FSD2: variants seen among roughly 807,000 people sequenced by gnomAD.
FSD2 encodes the protein fibronectin type III and SPRY domain containing 2.
In FSD2, 71 loss-of-function variants were observed where a neutral mutation model predicts 80.4. The observed-to-expected ratio is 0.88, with a 90% CI of 0.73 to 1.08. FSD2 has a LOEUF of 1.08. FSD2 is among the 50% of genes least tolerant of loss of function. The pLI is 0.00. For synonymous variants in FSD2, 361 were observed against 329.5 expected (o/e 1.10, Z -1.03); for missense variants, 923 against 913.8 (o/e 1.01, Z -0.13).
At chr15:82,772,050 G>T (rs2049590231) in intron 7 of FSD2, 23 bp downstream of exon 7, 2 of 1,531,586 alleles carry the variant, frequency 1.3e-6, no homozygotes, top group Admixed American at 2.2e-5. Flanking sequence ...ATGAGCACGG[G>T]CATGTTCCTG....
Position 82,780,264 on chromosome 15 carries a change from C to A in FSD2, c.970G>T (p.Ala324Ser). Residue 324 changes from alanine (A) to serine (S), a missense_variant, in exon 5 of 13, where the codon GCA (alanine) becomes TCA (serine). Ala to Ser is a moderately conservative substitution (Grantham distance 99). Transcript: ENST00000334574. ...TATTACCTGTCAGCCATAGCCACTG[C>A]ATCCTAAAAAGGAAAAAGAGAAAAT... ...HEEKVDFIKD[A>S]VAMADRLGKF... The A allele has an allele frequency of 1.3e-6, 2 of 1,499,480 alleles. No homozygotes were observed. Among genetic ancestry groups the A allele is most frequent in the Non-Finnish European group, 1.8e-6 (2 of 1,122,140 alleles). The allele number at this position is 1,499,480 out of a possible 1,614,324, so 92.9% of individuals were successfully genotyped here. A position where few individuals can be genotyped will look rare whatever the true frequency, so the allele number is the denominator to read the frequency against.
chr15:82,790,310 T>C (rs1376924798), intron 1 of FSD2, among the ~76,000 whole-genome samples: 2 of 152,214 alleles, frequency 1.3e-5, no homozygotes, highest in Admixed American at 1.3e-4. Context: ...CTAGGATACT[T>C]GCCTGAATCT....
intron 1 of FSD2, among the ~76,000 whole-genome samples, chr15:82,805,068 T>A (rs1184973774): frequency 6.6e-6 from 1 of 151,096 alleles, no homozygotes; most frequent in Non-Finnish European, 1.5e-5. Context: ...TTAAAAAAAA[T>A]AAAAAAGATG....
At position 82,798,873 on chromosome 15, in the gene FSD2, G is replaced by GTTTTTTTTTTTTTTTTTTTTT. The variant is rs149986626; in HGVS notation, c.-79+7092_-79+7093insAAAAAAAAAAAAAAAAAAAAA. Among the ~76,000 whole-genome samples the GTTTTTTTTTTTTTTTTTTTTT allele has an allele frequency of 1.8e-5, 2 of 111,472 alleles. 1 individual carries two copies. The allele number at this position is 111,472 out of a possible 152,430, so 73.1% of individuals were successfully genotyped here. Reference sequence around the variant, plus strand: ...AAGTTTTCTTTCCACTATCTCCACTGTTTTGTTTTTTTTTTTTTTTTTGAG... The same window carrying GTTTTTTTTTTTTTTTTTTTTT: ...AAGTTTTCTTTCCACTATCTCCACTGTTTTTTTTTTTTTTTTTTTTTTTTTGTTTTTTTTTTTTTTTTTGAG... On this transcript the variant is annotated intron_variant, in intron 1 of 12. Transcript: ENST00000334574.
rs1049733994 is a variant in FSD2 at position 82,757,236 on chromosome 15, G to A, written c.*2112C>T. The A allele has an allele frequency of 2.6e-5, 4 of 151,928 alleles. No homozygotes were observed. Among genetic ancestry groups the A allele is most frequent in the African/African-American group, 9.7e-5 (4 of 41,348 alleles). 9.4% of individuals were successfully genotyped at this position (151,928 alleles called of 1,614,324 possible). A position where few individuals can be genotyped will look rare whatever the true frequency, so the allele number is the denominator to read the frequency against. On this transcript the variant is annotated 3_prime_UTR_variant, in exon 13 of 13. Coordinates refer to ENST00000334574, the MANE Select transcript of FSD2 (RefSeq NM_001007122.4). ...TGTTGAGTTTTTAATCCATTTATCC[G>A]TGTTCATACTAACGTGTAGTATTCC...
In FSD2 at chr15:82,765,084, G is replaced by A. The variant is rs971492790; in HGVS notation, c.1820+82C>T. 1.4e-5 allele frequency: 20 copies of A among 1,442,336 alleles called. No individual in the cohort carries two copies. In the Middle Eastern group the frequency reaches 7.3e-4, roughly 52 times the overall value. 89.3% of individuals were successfully genotyped at this position (1,442,336 alleles called of 1,614,324 possible). On this transcript the variant is annotated intron_variant, in intron 11 of 12. Coordinates refer to ENST00000334574, the MANE Select transcript of FSD2 (RefSeq NM_001007122.4). Reference sequence around the variant, plus strand: ...TTCCTTTTCCCTCGAGGCTGCCTCCGTGCCATATTCGGATTTGACCTGAAT... The same window carrying A: ...TTCCTTTTCCCTCGAGGCTGCCTCCATGCCATATTCGGATTTGACCTGAAT...
At chr15:82,765,832 C>A in intron 10 of FSD2, 66 bp downstream of exon 10, 1 of 1,521,278 alleles carries the variant, frequency 6.6e-7, no homozygotes, top group Admixed American at 2.0e-5. Flanking sequence ...GAAGTCATAG[C>A]AGCACTGGGT....
At position 82,755,473 on chromosome 15, in the gene FSD2, G is replaced by A. The variant is rs916422556; in HGVS notation, c.*3875C>T. 3 of 152,108 alleles carry A rather than the reference G, an allele frequency of 2.0e-5. No individual in the cohort carries two copies. Among genetic ancestry groups the A allele is most frequent in the Middle Eastern group, 3.4e-3 (1 of 292 alleles). 9.4% of individuals were successfully genotyped at this position (152,108 alleles called of 1,614,324 possible). A position where few individuals can be genotyped will look rare whatever the true frequency, so the allele number is the denominator to read the frequency against. On this transcript the variant is annotated 3_prime_UTR_variant, in exon 13 of 13. Transcript: ENST00000334574. ...ATAAATGATAGTTTAATTCCTCCAG[G>A]ATTTGAGTAAGGTGAAAATAGAGCT...
intron 4 of FSD2, 151 bp downstream of exon 4, chr15:82,782,644 G>T: frequency 1.5e-6 from 1 of 677,254 alleles, no homozygotes; most frequent in Non-Finnish European, 2.6e-6. Context: ...TCATCCAGTG[G>T]AATCAAATGG....
chr15:82,779,916 C>G (rs1333549864), intron 5 of FSD2, among the ~76,000 whole-genome samples: 1 of 152,088 alleles, frequency 6.6e-6, no homozygotes, highest in Non-Finnish European at 1.5e-5. Context: ...ACTGGACAGT[C>G]TGGGTCCAGG....
chr15:82,800,360 G>T (rs1005653612), intron 1 of FSD2, among the ~76,000 whole-genome samples: 4 of 152,088 alleles, frequency 2.6e-5, no homozygotes, highest in African/African-American at 9.7e-5. Flanking sequence ...AGGCTAGCTA[G>T]GTTCCTATGT....
intron 1 of FSD2, among the ~76,000 whole-genome samples, chr15:82,794,348 G>T (rs888807707): frequency 6.6e-6 from 1 of 152,050 alleles, no homozygotes; most frequent in Non-Finnish European, 1.5e-5. Flanking sequence ...AACATATTTT[G>T]TATTATTTCT....
At chr15:82,766,336 A>C (rs74028575) in intron 9 of FSD2, among the ~76,000 whole-genome samples, 319 of 152,186 alleles carry the variant, frequency 2.1e-3, no homozygotes, top group African/African-American at 7.5e-3. Flanking sequence ...TGCATCATGG[A>C]GTGTGCATGC....
intron 1 of FSD2, among the ~76,000 whole-genome samples, chr15:82,802,890 G>T (rs1032563531): frequency 6.6e-6 from 1 of 152,152 alleles, no homozygotes; most frequent in African/African-American, 2.4e-5. Context: ...GTCCTTCTGT[G>T]ACCCTGGCTA....
At chr15:82,785,964 C>T (rs2049986163) in intron 3 of FSD2, among the ~76,000 whole-genome samples, 1 of 152,084 alleles carries the variant, frequency 6.6e-6, no homozygotes, top group Non-Finnish European at 1.5e-5. Context: ...GATGTCCCCT[C>T]TTCACCACCT....
chr15:82,780,728 ATAGT>A (rs1351903477), intron 4 of FSD2, among the ~76,000 whole-genome samples: 4 of 151,544 alleles, frequency 2.6e-5, no homozygotes, highest in Admixed American at 2.6e-4. Context: ...TATATATAAG[ATAGT>A]TATATAATAA....
chr15:82,778,725 G>T (rs1186350032), intron 6 of FSD2, 41 bp downstream of exon 6: 7 of 1,552,518 alleles, frequency 4.5e-6, no homozygotes, highest in Non-Finnish European at 6.1e-6. Context: ...AAAGCTCTGG[G>T]TAGTCTGAAC....
rs375496909 is a variant in FSD2 at position 82,786,864 on chromosome 15, G to A, written c.527C>T (p.Ala176Val). The change falls in exon 2 of 13, where the codon GCT becomes GTT. Residue 176 changes from alanine (A) to valine (V), a missense_variant. Coordinates refer to ENST00000334574, the MANE Select transcript of FSD2 (RefSeq NM_001007122.4). ...IPEEEDEEEA[A>V]DVFCVTCKTP... Reference sequence around the variant, plus strand: ...CTTACAAGTGACACAGAAGACATCAGCAGCTTCTTCTTCATCCTCTTCCTC... The same window carrying A: ...CTTACAAGTGACACAGAAGACATCAACAGCTTCTTCTTCATCCTCTTCCTC... The A allele has an allele frequency of 3.7e-6, 6 of 1,613,864 alleles. No homozygotes were observed. The African/African-American group carries it at 5.3e-5, about 14-fold the overall frequency.
intron 1 of FSD2, among the ~76,000 whole-genome samples, chr15:82,789,716 A>T (rs985020875): frequency 3.3e-5 from 5 of 152,210 alleles, no homozygotes; most frequent in African/African-American, 1.2e-4. Flanking sequence ...TGCCACAAAC[A>T]TCTGCCATCC....
Sources: gnomAD v4.1 joint callset for allele counts (sites outside exome capture counted in the v4.1 genomes callset) on GRCh38, gnomAD v4.1.1 for gene constraint, MANE v1.5 for transcripts, NCBI Gene and HGNC (gene_info 2026-07-23, HGNC 2026-07-21) for gene names.